Variants in ADGRL4 observed in about 807,000 individuals in gnomAD.
ADGRL4 encodes the protein EGF, latrophilin and seven transmembrane domain containing 1.
In ADGRL4, 90 loss-of-function variants were observed where a neutral mutation model predicts 74.8. The observed-to-expected ratio is 1.20, with a 90% CI of 1.02 to 1.43. ADGRL4 has a LOEUF of 1.43. ADGRL4 is among the 40% of genes most tolerant of loss of function. The pLI, the probability that ADGRL4 is intolerant of heterozygous loss-of-function variation, is 0.00. For missense variants in ADGRL4, 881 were observed against 814.3 expected, an observed-to-expected ratio of 1.08 and a Z score of -1.00; for synonymous variants, 311 against 279.2, an observed-to-expected ratio of 1.11 and a Z score of -1.14.
intron 2 of ADGRL4, among the ~76,000 whole-genome samples, chr1:78,948,474 C>T (rs11589071): frequency 0.089 from 13,567 of 151,994 alleles, 803 homozygotes; most frequent in East Asian, 0.33. Flanking sequence ...TAGCATTTGG[C>T]CAGGCACTTG....
chr1:78,901,749 C>A (rs1648525401), intron 12 of ADGRL4, among the ~76,000 whole-genome samples: 1 of 152,146 alleles, frequency 6.6e-6, no homozygotes, highest in Admixed American at 6.6e-5. Context: ...ATAACTTTCA[C>A]CCCCACATAT....
At chr1:78,934,346 C>T (rs1649309779) in intron 7 of ADGRL4, among the ~76,000 whole-genome samples, 1 of 152,092 alleles carries the variant, frequency 6.6e-6, no homozygotes, top group Admixed American at 6.6e-5. Flanking sequence ...AACTGGCTAG[C>T]CATATGCAGA....
chr1:78,930,047 T>C (rs1649205602), intron 7 of ADGRL4, among the ~76,000 whole-genome samples: 1 of 151,338 alleles, frequency 6.6e-6, no homozygotes, highest in East Asian at 1.9e-4. Flanking sequence ...GAGCATGACT[T>C]AGTTATTTTT....
intron 9 of ADGRL4, 42 bp from the exon 10 acceptor site, chr1:78,920,428 C>G (rs1648973031): frequency 7.8e-7 from 1 of 1,285,248 alleles, no homozygotes; most frequent in Non-Finnish European, 1.1e-6. Flanking sequence ...GAATAACTCA[C>G]TAAGTTGTCA....
chr1:78,905,338 G>A (rs1166996826), intron 12 of ADGRL4, among the ~76,000 whole-genome samples: 2 of 151,938 alleles, frequency 1.3e-5, no homozygotes, highest in East Asian at 3.9e-4. Context: ...TGCAAAGGGT[G>A]ACCCATAAAG....
chr1:78,897,938 C>T (rs535249390), intron 12 of ADGRL4, among the ~76,000 whole-genome samples: 1 of 152,154 alleles, frequency 6.6e-6, no homozygotes, highest in South Asian at 2.1e-4. Context: ...CTTTTTCTAA[C>T]AGTGTCAAAG....
intron 8 of ADGRL4, among the ~76,000 whole-genome samples, chr1:78,925,885 G>A (rs1398902395): frequency 6.6e-6 from 1 of 151,950 alleles, no homozygotes; most frequent in African/African-American, 2.4e-5. Context: ...AACAGTGTTT[G>A]GTTTCTAGTA....
chr1:78,952,756 ATGTT>A (rs543707499), intron 2 of ADGRL4, among the ~76,000 whole-genome samples: 120 of 152,274 alleles, frequency 7.9e-4, no homozygotes, highest in African/African-American at 2.8e-3. Flanking sequence ...CAAGAATAAA[ATGTT>A]TGTGTTGGGT....
At chr1:78,896,550 A>G (rs1279566446) in intron 12 of ADGRL4, among the ~76,000 whole-genome samples, 1 of 152,080 alleles carries the variant, frequency 6.6e-6, no homozygotes, top group Non-Finnish European at 1.5e-5. Context: ...CCTTCAAAAC[A>G]TGTTCAGAAT....
At chr1:78,930,447 A>ATTTT (rs750792474) in intron 7 of ADGRL4, among the ~76,000 whole-genome samples, 3 of 97,284 alleles carry the variant, frequency 3.1e-5, no homozygotes, top group South Asian at 3.8e-4. Flanking sequence ...GGAAAAGCTG[A>ATTTT]TTTTTTTTTT....
chr1:78,939,079 T>A, intron 4 of ADGRL4, 109 bp downstream of exon 4: 1 of 1,316,922 alleles, frequency 7.6e-7, no homozygotes, highest in African/African-American at 1.5e-5. Flanking sequence ...TTTTCGACTC[T>A]CCCTAAAGTT....
chr1:78,943,184 A>G (rs1649528025), intron 3 of ADGRL4, among the ~76,000 whole-genome samples: 1 of 152,214 alleles, frequency 6.6e-6, no homozygotes, highest in African/African-American at 2.4e-5. Flanking sequence ...AGAAAAAAAA[A>G]TCTACAATTA....
rs186250967 is a variant in ADGRL4, at chr1:78,936,394, A to C, written c.778T>G (p.Phe260Val). The C allele has an allele frequency of 6.4e-7, 1 of 1,571,208 alleles. No homozygotes were observed. The highest frequency in any genetic ancestry group is 1.2e-5 in the South Asian group (1 of 83,374). Residue 260 changes from phenylalanine to valine, a missense_variant, in exon 7 of 15, where the codon TTT becomes GTT. Coordinates refer to ENST00000370742, the MANE Select transcript of ADGRL4 (RefSeq NM_022159.4). ...STDIALKVFF[F>V]DSYNMKHIHP... is the part of the protein sequence containing the mutation. ...ATATGTTTCATGTTATATGAATCAA[A>C]AAAGAAAACTTTGAGAGCTGAAACA... is the stretch of plus-strand genomic sequence containing the variant.
intron 2 of ADGRL4, among the ~76,000 whole-genome samples, chr1:79,002,081 G>T (rs1485957882): frequency 6.6e-6 from 1 of 152,000 alleles, no homozygotes; most frequent in Non-Finnish European, 1.5e-5. Context: ...ATTTCCTTTG[G>T]AAGTGGAATT....
intron 10 of ADGRL4, 115 bp downstream of exon 10, chr1:78,920,068 A>T: frequency 1.3e-6 from 1 of 748,542 alleles, no homozygotes; most frequent in Non-Finnish European, 2.1e-6. Context: ...AGAACAAATT[A>T]TAGAGAACGT....
rs1413317770 is a variant in ADGRL4, at chr1:78,889,870, T to C, written c.*1284A>G. The C allele has an allele frequency of 2.2e-6, 1 of 456,058 alleles. No homozygotes were observed. Among genetic ancestry groups the C allele is most frequent in the Non-Finnish European group, 4.5e-6 (1 of 220,366 alleles). The allele number at this position is 456,058 out of a possible 1,614,324, so 28.3% of individuals were successfully genotyped here. A position where few individuals can be genotyped will look rare whatever the true frequency, so the allele number is the denominator to read the frequency against. Reference sequence around the variant, plus strand: ...CAAATTTAGTGTATTGGCACACTTTTACAGGTCGGCAAAGAAAAATTACCT... The same window carrying C: ...CAAATTTAGTGTATTGGCACACTTTCACAGGTCGGCAAAGAAAAATTACCT... On this transcript the variant is annotated 3_prime_UTR_variant, in exon 15 of 15. Coordinates refer to ENST00000370742, the MANE Select transcript of ADGRL4 (RefSeq NM_022159.4).
intron 8 of ADGRL4, among the ~76,000 whole-genome samples, chr1:78,922,263 C>A (rs1557498594): frequency 6.6e-6 from 1 of 151,936 alleles, no homozygotes; most frequent in Non-Finnish European, 1.5e-5. Context: ...GGGACGTCTC[C>A]TAGATTATGT....
chr1:78,988,684 T>C (rs183323522), intron 2 of ADGRL4, among the ~76,000 whole-genome samples: 72 of 151,948 alleles, frequency 4.7e-4, no homozygotes, highest in Non-Finnish European at 8.8e-4. Context: ...TCACTTCTCC[T>C]AGGCATTGAA....
chr1:78,919,321 T>C (rs1197009672), intron 10 of ADGRL4, among the ~76,000 whole-genome samples: 3 of 151,968 alleles, frequency 2.0e-5, no homozygotes, highest in Non-Finnish European at 2.9e-5. Context: ...AATCCACTGC[T>C]GTTCCCACTT....
Sources: allele counts gnomAD v4.1 joint callset (sites outside exome capture counted in the v4.1 genomes callset), GRCh38; gene constraint gnomAD v4.1.1; transcripts MANE v1.5; gene names NCBI Gene and HGNC (gene_info 2026-07-23, HGNC 2026-07-21).